The following TRIT1 variants were observed in gnomAD, a reference collection of about 807,000 sequenced individuals.
TRIT1 encodes tRNA dimethylallyltransferase.
A neutral mutation model predicts 51.2 loss-of-function variants in TRIT1; 43 were observed. That is an observed-to-expected ratio of 0.84 (90% CI 0.66 to 1.08). The LOEUF (loss-of-function observed/expected upper bound fraction) is 1.08. Among genes scored for constraint, TRIT1 ranks in the 50% least tolerant of loss-of-function variants. The probability of loss-of-function intolerance (pLI) is 0.00; values close to 1 mark genes in which losing one functional copy is unlikely to be tolerated. For missense variants in TRIT1, 528 were observed against 578.4 expected (o/e 0.91, Z 0.89); for synonymous variants, 184 against 203.9 (o/e 0.90, Z 0.83).
chr1:39,847,742 T>C (rs1642316913), intron 6 of TRIT1, 82 bp from the exon 7 acceptor site: 2 of 1,600,446 alleles, frequency 1.2e-6, no homozygotes, highest in Admixed American at 1.7e-5. Flanking sequence ...AGTTGAGCCA[T>C]TTCATCTGTC....
Position 39,841,052 on chromosome 1 carries a change from C to G in TRIT1, c.*692G>C, listed in dbSNP as rs1420527149. The G allele has an allele frequency of 3.9e-5, 6 of 152,142 alleles. No homozygotes were observed. The highest frequency in any genetic ancestry group is 1.4e-4 in the African/African-American group (6 of 41,436). The allele number at this position is 152,142 out of a possible 1,614,324, so 9.4% of individuals were successfully genotyped here. On this transcript the variant is annotated 3_prime_UTR_variant, in exon 11 of 11. Transcript: ENST00000316891. The stretch of plus-strand genomic sequence containing the variant: ...TATCTTTTTAAGGATCAAAGAGGCT[C>G]TTGTAAATTTTTTCTTTATTTAAAC...
intron 1 of TRIT1, chr1:39,881,559 T>TC (rs1403643253): frequency 1.3e-5 from 2 of 152,074 alleles, no homozygotes; most frequent in Non-Finnish European, 2.9e-5. Flanking sequence ...ATGTTCCTTT[T>TC]TTTTTTTTAA....
chr1:39,857,390 T>C lies in TRIT1; in HGVS notation c.202A>G (p.Asn68Asp), dbSNP rs1452006093. The C allele has an allele frequency of 6.2e-7, 1 of 1,614,144 alleles. No individual in the cohort carries two copies. The highest frequency in any genetic ancestry group is 1.1e-5 in the South Asian group (1 of 91,078). Reference sequence around the variant, plus strand: ...CTCTGCTCTTGGGCAGAAACCTTGTTGGTGATGATGTCTAGGCCTTCATAG... The same window carrying C: ...CTCTGCTCTTGGGCAGAAACCTTGTCGGTGATGATGTCTAGGCCTTCATAG... Reference protein sequence around the residue: ...QVYEGLDIITNKVSAQEQRIC... With the variant: ...QVYEGLDIITDKVSAQEQRIC... The change falls in exon 2 of 11, where the codon AAC becomes GAC. Residue 68 changes from asparagine to aspartate, a missense_variant. Physicochemically the swap from Asn to Asp is conservative, Grantham distance 23. Coordinates refer to ENST00000316891, the MANE Select transcript of TRIT1 (RefSeq NM_017646.6).
chr1:39,846,254 G>C (rs1293462583), intron 8 of TRIT1, among the ~76,000 whole-genome samples: 1 of 152,214 alleles, frequency 6.6e-6, no homozygotes, highest in Non-Finnish European at 1.5e-5. Flanking sequence ...CAACAGCAGG[G>C]ATCAAGGTAT....
intron 1 of TRIT1, among the ~76,000 whole-genome samples, chr1:39,872,385 G>A (rs1386235594): frequency 6.6e-6 from 1 of 151,994 alleles, no homozygotes; most frequent in Non-Finnish European, 1.5e-5. Flanking sequence ...GATACTGTAA[G>A]GATAAAAACA....
chr1:39,853,891 C>A, intron 3 of TRIT1, 79 bp downstream of exon 3: 2 of 997,354 alleles, frequency 2.0e-6, no homozygotes, highest in South Asian at 1.5e-5. Context: ...AGGCAAGAGT[C>A]AACCTTTCTC....
chr1:39,855,653 T>C (rs1262646773), intron 2 of TRIT1, among the ~76,000 whole-genome samples: 1 of 152,142 alleles, frequency 6.6e-6, no homozygotes, highest in Non-Finnish European at 1.5e-5. Context: ...ATGTTCAACC[T>C]GTAGTATGAT....
chr1:39,855,414 A>G (rs1354989875), intron 2 of TRIT1, among the ~76,000 whole-genome samples: 1 of 152,210 alleles, frequency 6.6e-6, no homozygotes, highest in Admixed American at 6.5e-5. Context: ...TACAATTTCC[A>G]CAGTAAGATA....
At chr1:39,851,855 G>A (rs1432563420) in intron 4 of TRIT1, among the ~76,000 whole-genome samples, 1 of 151,662 alleles carries the variant, frequency 6.6e-6, no homozygotes, top group Non-Finnish European at 1.5e-5. Flanking sequence ...GGCCGAGGCA[G>A]GAGGACATCT....
At chr1:39,855,160 C>T (rs1417203558) in intron 2 of TRIT1, among the ~76,000 whole-genome samples, 3 of 152,134 alleles carry the variant, frequency 2.0e-5, no homozygotes, top group African/African-American at 7.2e-5. Context: ...CCGAAAATAA[C>T]TTTTTTTAAA....
In TRIT1 at chr1:39,852,800, T is replaced by A. The variant is rs751360090; in HGVS notation, c.491A>T (p.Lys164Ile). 1.1e-5 allele frequency: 17 copies of A among 1,614,192 alleles called. No individual in the cohort carries two copies. In the Admixed American group the frequency reaches 2.8e-4, roughly 27 times the overall value. The change falls in exon 4 of 11, where the codon AAA (lysine) becomes ATA (isoleucine). Residue 164 changes from lysine (K) to isoleucine (I), a missense_variant. Physicochemically the swap from Lys to Ile is moderately radical, Grantham distance 102. This residue lies in a region of TRIT1 where 468 missense variants were observed against 522.6 expected (regional missense o/e 0.90). Transcript: ENST00000316891. Reference sequence around the variant, plus strand: ...TTCTGGGTCCACCTGGCTTAGGCGTTTGTGAAGTACAAGACCATCCTCCTT... The same window carrying A: ...TTCTGGGTCCACCTGGCTTAGGCGTATGTGAAGTACAAGACCATCCTCCTT... ...LEKEDGLVLHKRLSQVDPEMA... is the reference protein window; with the variant it reads ...LEKEDGLVLHIRLSQVDPEMA...
chr1:39,851,785 A>G (rs1642589303), intron 4 of TRIT1, among the ~76,000 whole-genome samples: 2 of 151,818 alleles, frequency 1.3e-5, no homozygotes. Context: ...AAAAAAAATT[A>G]AAAATTTAAA....
chr1:39,853,905 C>T lies in TRIT1; in HGVS notation c.414+65G>A, dbSNP rs1380682764. The stretch of plus-strand genomic sequence containing the variant: ...TAGGCAAGAGTCAACCTTTCTCCCA[C>T]TGAAATTAGACAGCAAGAAAGAGCA... On this transcript the variant is annotated intron_variant, in intron 3 of 10. Coordinates refer to ENST00000316891, the MANE Select transcript of TRIT1 (RefSeq NM_017646.6). The T allele has an allele frequency of 6.9e-6, 8 of 1,152,470 alleles. No individual in the cohort carries two copies. The African/African-American group carries it at 1.1e-4, about 16-fold the overall frequency. The allele number at this position is 1,152,470 out of a possible 1,614,324, so 71.4% of individuals were successfully genotyped here. A position where few individuals can be genotyped will look rare whatever the true frequency, so the allele number is the denominator to read the frequency against.
intron 1 of TRIT1, among the ~76,000 whole-genome samples, chr1:39,872,200 T>A (rs936815771): frequency 2.0e-5 from 3 of 150,870 alleles, no homozygotes; most frequent in Non-Finnish European, 4.4e-5. Flanking sequence ...TGTGAACCAC[T>A]GCAGCTGGCC....
In TRIT1 at chr1:39,882,909, T is replaced by C. The variant is rs570790918; in HGVS notation, c.174+409A>G. ...GGTATCCAATTTATCCTGATCTCGC[T>C]GGGTTAGGGTTAGAGTTACAACAAA... On this transcript the variant is annotated intron_variant, in intron 1 of 10. Transcript: ENST00000316891. Among the ~76,000 whole-genome samples, 35 of 152,342 alleles carry C rather than the reference T, an allele frequency of 2.3e-4. No homozygotes were observed. The South Asian group carries it at 7.2e-3, about 32-fold the overall frequency.
intron 4 of TRIT1, among the ~76,000 whole-genome samples, chr1:39,851,040 T>C (rs892622824): frequency 6.6e-6 from 1 of 152,202 alleles, no homozygotes; most frequent in Non-Finnish European, 1.5e-5. Context: ...CTCTGGGTGA[T>C]TGCAACTTAT....
chr1:39,848,978 T>C (rs1047894114), intron 5 of TRIT1, among the ~76,000 whole-genome samples: 1 of 152,160 alleles, frequency 6.6e-6, no homozygotes, highest in Non-Finnish European at 1.5e-5. Context: ...AAGTTTTTGT[T>C]TATAAAATTT....
At chr1:39,850,406 G>T in intron 4 of TRIT1, 145 bp from the exon 5 acceptor site, 1 of 1,112,804 alleles carries the variant, frequency 9.0e-7, no homozygotes, top group Non-Finnish European at 1.2e-6. Flanking sequence ...CACATCTGTA[G>T]TCCCAGCTAC....
rs538756316 is a variant in TRIT1 at position 39,840,643 on chromosome 1, G to C, written c.*1101C>G. ...TGCACAAACAAAATGTATTTGAATG[G>C]GGAGTTAACGCTTAAAGGGCACAAA... On this transcript the variant is annotated 3_prime_UTR_variant, in exon 11 of 11. Coordinates refer to ENST00000316891, the MANE Select transcript of TRIT1 (RefSeq NM_017646.6). 1.3e-5 allele frequency among the ~76,000 whole-genome samples: 2 copies of C among 152,300 alleles called. No individual in the cohort carries two copies. The highest frequency in any genetic ancestry group is 4.1e-4 in the South Asian group (2 of 4,828).
Sources: gnomAD v4.1 joint callset for allele counts (sites outside exome capture counted in the v4.1 genomes callset) on GRCh38, gnomAD v4.1.1 for gene constraint, gnomAD v4.1.1 regional missense constraint, MANE v1.5 for transcripts, NCBI Gene and HGNC (gene_info 2026-07-23, HGNC 2026-07-21) for gene names.